MMP16: variants seen among roughly 807,000 people sequenced by gnomAD.
MMP16 encodes matrix metalloproteinase-16.
Under a neutral mutation model 67.8 loss-of-function variants are expected in MMP16, and 12 were observed. That is an observed-to-expected ratio of 0.18 (90% confidence interval 0.11 to 0.29). The LOEUF (loss-of-function observed/expected upper bound fraction) is 0.29. Ranked by LOEUF, MMP16 falls within the 10% of genes least tolerant of loss-of-function variation. The pLI is 1.00. For missense variants in MMP16, 475 were observed against 765.7 expected (o/e 0.62, Z 4.48); for synonymous variants, 249 against 255.9 (o/e 0.97, Z 0.26).
At chr8:88,273,882 C>T (rs1810604733) in intron 1 of MMP16, among the ~76,000 whole-genome samples, 1 of 152,062 alleles carries the variant, frequency 6.6e-6, no homozygotes, top group South Asian at 2.1e-4. Flanking sequence ...AGATCAAAGT[C>T]CTGATAACAT....
intron 4 of MMP16, 130 bp from the exon 5 acceptor site, chr8:88,118,991 G>A (rs1448859892): frequency 1.1e-6 from 1 of 870,154 alleles, no homozygotes; most frequent in Non-Finnish European, 1.7e-6. Flanking sequence ...CTATTTGTAT[G>A]GTTTCATCAC....
intron 4 of MMP16, among the ~76,000 whole-genome samples, chr8:88,140,278 T>C (rs1214741475): frequency 6.6e-6 from 1 of 152,122 alleles, no homozygotes; most frequent in Non-Finnish European, 1.5e-5. Flanking sequence ...TAAAGTCAAA[T>C]ATCTTGAAGA....
chr8:88,264,031 C>CAT (rs1491101969), intron 1 of MMP16, among the ~76,000 whole-genome samples: 601 of 40,330 alleles, frequency 0.015, 6 homozygotes, highest in East Asian at 0.082. Flanking sequence ...ACAAAAATGG[C>CAT]ACATATATAT....
chr8:88,197,167 T>C lies in MMP16; in HGVS notation c.272A>G (p.Asn91Ser), dbSNP rs780118679. 1 of 1,609,636 alleles carries C rather than the reference T, an allele frequency of 6.2e-7. No homozygotes were observed. Among genetic ancestry groups the C allele is most frequent in the Non-Finnish European group, 8.5e-7 (1 of 1,178,680 alleles). ...GINMTGKVDR[N>S]TIDWMKKPRC... ...GGGAGCCATTACTTACTCAATTGTG[T>C]TTCTGTCCACTTTTCCTGTCATGTT... is the stretch of plus-strand genomic sequence containing the variant. Residue 91 changes from asparagine to serine, a missense_variant, in exon 2 of 10, where the codon AAC becomes AGC. Transcript: ENST00000286614.
At chr8:88,057,225 G>A (rs866611716) in intron 7 of MMP16, among the ~76,000 whole-genome samples, 19 of 152,026 alleles carry the variant, frequency 1.2e-4, no homozygotes, top group African/African-American at 4.6e-4. Flanking sequence ...TCCTTTCTGG[G>A]CTTATTGTAT....
intron 1 of MMP16, among the ~76,000 whole-genome samples, chr8:88,312,702 C>T (rs1219022468): frequency 6.6e-6 from 1 of 152,266 alleles, no homozygotes; most frequent in East Asian, 1.9e-4. Context: ...GGCACAGCGG[C>T]TCATGTTTGT....
In MMP16 at chr8:88,032,276, T is replaced by C. The variant is rs558831029; in HGVS notation, c.*9185A>G. ...GAACCATGCTGATGATTCTAGCTTG[T>C]GACATTTGTGTGGTTAAAGGTTGCC... On this transcript the variant is annotated 3_prime_UTR_variant, in exon 10 of 10. Transcript: ENST00000286614. The C allele has an allele frequency of 6.6e-6, 1 of 152,318 alleles. No individual in the cohort carries two copies. Among genetic ancestry groups the C allele is most frequent in the African/African-American group, 2.4e-5 (1 of 41,576 alleles). The allele number at this position is 152,318 out of a possible 1,614,324, so 9.4% of individuals were successfully genotyped here. A position where few individuals can be genotyped will look rare whatever the true frequency, so the allele number is the denominator to read the frequency against.
intron 6 of MMP16, among the ~76,000 whole-genome samples, chr8:88,102,642 C>T (rs1297385110): frequency 3.3e-5 from 5 of 151,814 alleles, no homozygotes; most frequent in Admixed American, 2.0e-4. Flanking sequence ...TAACCCTCTA[C>T]TCTTGTCTCC....
chr8:88,109,721 A>G (rs2118407055), intron 6 of MMP16, among the ~76,000 whole-genome samples: 1 of 151,370 alleles, frequency 6.6e-6, no homozygotes, highest in African/African-American at 2.4e-5. Context: ...TTAATGTAAA[A>G]GCATTTTGAA....
At chr8:88,121,873 T>C (rs1807843879) in intron 4 of MMP16, among the ~76,000 whole-genome samples, 1 of 152,070 alleles carries the variant, frequency 6.6e-6, no homozygotes, top group Non-Finnish European at 1.5e-5. Context: ...CACCCTTCCA[T>C]GCATTTTCAG....
chr8:88,186,585 G>A lies in MMP16; in HGVS notation c.295C>T (p.Pro99Ser). 8 of 1,560,434 alleles carry A rather than the reference G, an allele frequency of 5.1e-6. No homozygotes were observed. Among genetic ancestry groups the A allele is most frequent in the Non-Finnish European group, 6.0e-6 (7 of 1,158,872 alleles). The change falls in exon 3 of 10, where the codon CCC becomes TCC. Residue 99 changes from proline to serine, a missense_variant. By Grantham distance (74) the Pro-to-Ser change is moderately conservative. Transcript: ENST00000286614. ...DRNTIDWMKK[P>S]RCGVPDQTRG... The stretch of plus-strand genomic sequence containing the variant: ...GTCTGGTCAGGTACACCGCATCGGG[G>A]CTTCTTCATCCAGCTGCAAAAAAAA...
In MMP16 at chr8:88,041,833, A is replaced by G; in HGVS notation, c.1490-38T>C. ...ACATACACACACACAGGTACCACTT[A>G]TTTGTGACAGTGTATATGTAGAGAA... On this transcript the variant is annotated intron_variant, in intron 9 of 9. Coordinates refer to ENST00000286614, the MANE Select transcript of MMP16 (RefSeq NM_005941.5). This position sits in a 1 kb window ranked among gnomAD's most constrained non-coding sequence, Gnocchi z 6.0. 1 of 1,453,954 alleles carries G rather than the reference A, an allele frequency of 6.9e-7. No homozygotes were observed. Among genetic ancestry groups the G allele is most frequent in the Non-Finnish European group, 9.5e-7 (1 of 1,052,900 alleles). 90.1% of individuals were successfully genotyped at this position (1,453,954 alleles called of 1,614,324 possible).
intron 9 of MMP16, among the ~76,000 whole-genome samples, chr8:88,045,678 C>T (rs1563516366): frequency 6.6e-6 from 1 of 152,096 alleles, no homozygotes; most frequent in Admixed American, 6.6e-5. Context: ...TCTTGCAATA[C>T]ACTTAAGGTC....
intron 1 of MMP16, among the ~76,000 whole-genome samples, chr8:88,312,377 A>C (rs184521160): frequency 6.6e-6 from 1 of 152,320 alleles, no homozygotes. Context: ...GCTACAGCAT[A>C]CATGTAACTA....
intron 1 of MMP16, among the ~76,000 whole-genome samples, chr8:88,215,839 T>C (rs1809583894): frequency 6.6e-6 from 1 of 152,182 alleles, no homozygotes; most frequent in Non-Finnish European, 1.5e-5. Context: ...CGTGCTAGGA[T>C]TCTGACTGAC....
Position 88,116,657 on chromosome 8 carries a change from A to G in MMP16, c.933T>C (p.Ser311=). The G allele has an allele frequency of 6.2e-7, 1 of 1,613,862 alleles. No individual in the cohort carries two copies. Among genetic ancestry groups the G allele is most frequent in the South Asian group, 1.1e-5 (1 of 91,082 alleles). The change falls in exon 6 of 10, where the codon TCT becomes TCC. Residue 311 remains serine, a synonymous_variant. Coordinates refer to ENST00000286614, the MANE Select transcript of MMP16 (RefSeq NM_005941.5). ...TTTTCCTTGGGTCAGCCGGAGGAAT[A>G]GAGCGGTGTGGGGGCACTGTCGGTA... ...RPLPTVPPHR[S]IPPADPRKND... is the part of the protein sequence containing the mutation.
intron 1 of MMP16, among the ~76,000 whole-genome samples, chr8:88,251,549 A>T (rs1810222134): frequency 7.9e-6 from 1 of 125,926 alleles, no homozygotes; most frequent in Non-Finnish European, 1.6e-5. Context: ...CCTAGAAGAA[A>T]ACCTAGGCAT....
chr8:88,251,534 A>C (rs1178837688), intron 1 of MMP16, among the ~76,000 whole-genome samples: 2 of 131,478 alleles, frequency 1.5e-5, no homozygotes, highest in Non-Finnish European at 1.6e-5. Flanking sequence ...TAAAACCATA[A>C]AAACCCTAGA....
At chr8:88,157,769 C>T (rs981119466) in intron 4 of MMP16, among the ~76,000 whole-genome samples, 1 of 151,840 alleles carries the variant, frequency 6.6e-6, no homozygotes, top group Non-Finnish European at 1.5e-5. Context: ...TGTGCTGCAC[C>T]CATTAACTCG....
Sources: gnomAD v4.1 joint callset for allele counts (sites outside exome capture counted in the v4.1 genomes callset) on GRCh38, gnomAD v4.1.1 for gene constraint, Gnocchi (gnomAD v3.1) non-coding constraint, MANE v1.5 for transcripts, NCBI Gene and HGNC (gene_info 2026-07-23, HGNC 2026-07-21) for gene names.